SASH1: variants seen among roughly 807,000 people sequenced by gnomAD.
The protein encoded by SASH1 is SAM and SH3 domain-containing protein 1.
SASH1 carries 44 observed loss-of-function variants against 125.2 expected under a neutral mutation model. The observed-to-expected ratio is 0.35, with a 90% CI of 0.28 to 0.45. The LOEUF is 0.45. SASH1 is among the 20% of genes least tolerant of loss of function. The pLI, the probability that SASH1 is intolerant of heterozygous loss-of-function variation, is 1.00. For missense variants in SASH1, 1,426 were observed against 1,614.5 expected (o/e 0.88, Z 2.00); for synonymous variants, 639 against 649.1 (o/e 0.98, Z 0.24).
At position 148,399,214 on chromosome 6, in the gene SASH1, C is replaced by CTTTTTTTT. The variant is rs371374910; in HGVS notation, c.285+8971_285+8978dup. On this transcript the variant is annotated intron_variant, in intron 2 of 19. Transcript: ENST00000367467. ...AAATGTGCATCAACAATTTCAGCTTCTTTTTTTTTTTTTTTTTTTTTTTTT... is the reference window on the plus strand; with the variant it reads ...AAATGTGCATCAACAATTTCAGCTTCTTTTTTTTTTTTTTTTTTTTTTTTTTTTTTTTT... Among the ~76,000 whole-genome samples the CTTTTTTTT allele has an allele frequency of 1.9e-4, 20 of 106,662 alleles. 1 individual carries two copies. Among genetic ancestry groups the CTTTTTTTT allele is most frequent in the African/African-American group, 6.3e-4 (17 of 27,076 alleles). 70.0% of individuals were successfully genotyped at this position (106,662 alleles called of 152,430 possible). A position where few individuals can be genotyped will look rare whatever the true frequency, so the allele number is the denominator to read the frequency against.
At chr6:148,396,444 T>C (rs1783953144) in intron 2 of SASH1, among the ~76,000 whole-genome samples, 1 of 118,586 alleles carries the variant, frequency 8.4e-6, no homozygotes, top group South Asian at 2.8e-4. Context: ...GCCGCTTTAC[T>C]CCAGCCTGGG....
intron 1 of SASH1, among the ~76,000 whole-genome samples, chr6:148,369,091 G>C (rs1260472489): frequency 2.0e-5 from 3 of 152,212 alleles, no homozygotes; most frequent in Non-Finnish European, 4.4e-5. Flanking sequence ...GCCTGGCAGA[G>C]CTGTACGTGT....
chr6:148,471,556 G>A, intron 6 of SASH1, 53 bp downstream of exon 6: 1 of 1,069,514 alleles, frequency 9.4e-7, no homozygotes, highest in Non-Finnish European at 1.4e-6. Flanking sequence ...AACATGGGAA[G>A]AATCCTATGC....
At chr6:148,547,964 T>G (rs902924965) in intron 19 of SASH1, among the ~76,000 whole-genome samples, 1 of 152,250 alleles carries the variant, frequency 6.6e-6, no homozygotes, top group African/African-American at 2.4e-5. Context: ...CCCTTCAGAC[T>G]ACCTTAGGGC....
the SASH1 span, among the ~76,000 whole-genome samples, chr6:148,265,526 G>A: frequency 6.6e-6 from 1 of 152,162 alleles, no homozygotes; most frequent in Non-Finnish European, 1.5e-5. Context: ...TGAACTTGTA[G>A]ATTCCAGGTT....
At chr6:148,307,084 CTTTCTT>C (rs1562316673) in intron 1 of SASH1, among the ~76,000 whole-genome samples, 135 of 142,754 alleles carry the variant, frequency 9.5e-4, no homozygotes, top group African/African-American at 3.5e-3. Context: ...TTCTTTCTTT[CTTTCTT>C]TCTTTCTCTC....
intron 1 of SASH1, among the ~76,000 whole-genome samples, chr6:148,389,690 T>C (rs1783619533): frequency 6.6e-6 from 1 of 151,972 alleles, no homozygotes; most frequent in Non-Finnish European, 1.5e-5. Flanking sequence ...TCCCAGTAGG[T>C]GGTGGTGCAG....
At chr6:148,315,823 G>A (rs932912000) in intron 1 of SASH1, among the ~76,000 whole-genome samples, 3 of 152,172 alleles carry the variant, frequency 2.0e-5, no homozygotes, top group African/African-American at 4.8e-5. Flanking sequence ...AGGATCACTT[G>A]AGCCTGGGAG....
chr6:148,514,383 G>A lies in SASH1; in HGVS notation c.789G>A (p.Lys263=), dbSNP rs757751527. ...CGGTGAAGTTTAAGAGGTTACACAA[G>A]CTGGTAAACTCCACTCGCAGAGTCA... ...EESVKFKRLH[K]LVNSTRRVRK... Residue 263 remains lysine, a synonymous_variant, in exon 9 of 20, where the codon AAG becomes AAA. Transcript: ENST00000367467. The A allele has an allele frequency of 1.3e-6, 2 of 1,561,058 alleles. No homozygotes were observed. Among genetic ancestry groups the A allele is most frequent in the Non-Finnish European group, 8.7e-7 (1 of 1,150,964 alleles).
At chr6:148,344,831 C>T (rs1349627430) in intron 1 of SASH1, among the ~76,000 whole-genome samples, 1 of 151,484 alleles carries the variant, frequency 6.6e-6, no homozygotes, top group African/African-American at 2.4e-5. Context: ...GCTCAGCTCA[C>T]TGCAACCTCC....
chr6:148,549,749 A>G lies in SASH1; in HGVS notation c.*1191A>G, dbSNP rs920414652. On this transcript the variant is annotated 3_prime_UTR_variant, in exon 20 of 20. Transcript: ENST00000367467. Reference sequence around the variant, plus strand: ...TTCACTATGGAACCAGACAAATCTCATTAGCCATGTGTTAAGTATTTGCTA... The same window carrying G: ...TTCACTATGGAACCAGACAAATCTCGTTAGCCATGTGTTAAGTATTTGCTA... The G allele has an allele frequency of 1.8e-5, 7 of 391,018 alleles. No homozygotes were observed. Among genetic ancestry groups the G allele is most frequent in the Admixed American group, 4.4e-5 (1 of 22,484 alleles). 24.2% of individuals were successfully genotyped at this position (391,018 alleles called of 1,614,324 possible). A position where few individuals can be genotyped will look rare whatever the true frequency, so the allele number is the denominator to read the frequency against.
the SASH1 span, among the ~76,000 whole-genome samples, chr6:148,220,897 G>A: frequency 6.6e-6 from 1 of 152,232 alleles, no homozygotes; most frequent in South Asian, 2.1e-4. Context: ...CTGGGCAACA[G>A]AGTGAGACTG....
At chr6:148,403,141 G>T (rs1473548682) in intron 2 of SASH1, among the ~76,000 whole-genome samples, 1 of 152,068 alleles carries the variant, frequency 6.6e-6, no homozygotes, top group East Asian at 1.9e-4. Flanking sequence ...CTTCTCTAGA[G>T]TCTCCTCAGA....
upstream of SASH1, among the ~76,000 whole-genome samples, chr6:148,340,007 G>C (rs569529105): frequency 4.6e-5 from 7 of 152,284 alleles, no homozygotes; most frequent in South Asian, 1.5e-3. Context: ...TTTGCCCCAG[G>C]TCATCTGATG....
At chr6:148,246,593 A>G in the SASH1 span, among the ~76,000 whole-genome samples, 1 of 152,254 alleles carries the variant, frequency 6.6e-6, no homozygotes, top group Non-Finnish European at 1.5e-5. Flanking sequence ...TTTGCAGATC[A>G]GATAGACATA....
At chr6:148,221,438 C>A in the SASH1 span, among the ~76,000 whole-genome samples, 2 of 152,194 alleles carry the variant, frequency 1.3e-5, no homozygotes, top group Non-Finnish European at 2.9e-5. Flanking sequence ...GTGAATAGAT[C>A]TGAAACGTAA....
the SASH1 span, among the ~76,000 whole-genome samples, chr6:148,253,232 C>A: frequency 6.6e-6 from 1 of 152,212 alleles, no homozygotes; most frequent in Non-Finnish European, 1.5e-5. Context: ...ATATATAGAT[C>A]AGTGGAATCA....
intron 1 of SASH1, among the ~76,000 whole-genome samples, chr6:148,277,889 G>T (rs1171749987): frequency 6.6e-6 from 1 of 151,464 alleles, no homozygotes; most frequent in Non-Finnish European, 1.5e-5. Flanking sequence ...GCTAATTTTT[G>T]TATTTTCAGT....
intron 1 of SASH1, among the ~76,000 whole-genome samples, chr6:148,345,341 G>C (rs939527060): frequency 6.6e-6 from 1 of 152,098 alleles, no homozygotes; most frequent in Non-Finnish European, 1.5e-5. Flanking sequence ...TAAAAGATGG[G>C]GTGGGGCTTC....
Sources: gnomAD v4.1 joint callset for allele counts (sites outside exome capture counted in the v4.1 genomes callset) on GRCh38, gnomAD v4.1.1 for gene constraint, MANE v1.5 for transcripts, NCBI Gene and HGNC (gene_info 2026-07-23, HGNC 2026-07-21) for gene names.